RARB: variants seen among roughly 807,000 people sequenced by gnomAD.
The protein encoded by RARB is HBV-activated protein.
In RARB, 17 loss-of-function variants were observed where a neutral mutation model predicts 51.9. The ratio of observed to expected loss-of-function variants is 0.33; its 90% CI spans 0.22 to 0.49. RARB has a LOEUF of 0.49. RARB is among the 20% of genes least tolerant of loss of function. RARB has a pLI of 0.99. For synonymous variants in RARB, 215 were observed against 195.4 expected, an observed-to-expected ratio of 1.10 and a Z score of -0.84; for missense variants, 369 against 550.8, an observed-to-expected ratio of 0.67 and a Z score of 3.30.
intron 2 of RARB, among the ~76,000 whole-genome samples, chr3:25,465,348 T>C (rs1180151601): frequency 2.0e-5 from 3 of 152,200 alleles, no homozygotes; most frequent in African/African-American, 7.2e-5. Flanking sequence ...AGGCCCCTTG[T>C]TGACCGGTAG....
At chr3:25,249,748 AC>A (rs1307057402) in intron 5 of RARB, among the ~76,000 whole-genome samples, 5 of 125,848 alleles carry the variant, frequency 4.0e-5, no homozygotes, top group Non-Finnish European at 8.1e-5. Flanking sequence ...TTTCTTAGTT[AC>A]ATAGGGTATG....
chr3:25,542,327 G>C (rs1025521776), intron 3 of RARB, among the ~76,000 whole-genome samples: 4 of 152,210 alleles, frequency 2.6e-5, no homozygotes, highest in African/African-American at 9.7e-5. Flanking sequence ...TAGAATACTA[G>C]GTGCCTGCCT....
chr3:24,940,161 G>A (rs1182540268), intron 2 of RARB, among the ~76,000 whole-genome samples: 1 of 152,120 alleles, frequency 6.6e-6, no homozygotes, highest in South Asian at 2.1e-4. Flanking sequence ...AAATGGTGGC[G>A]GTGGTCTGTG....
At chr3:25,411,149 AT>A (rs1209148288) in intron 5 of RARB, among the ~76,000 whole-genome samples, 1 of 152,194 alleles carries the variant, frequency 6.6e-6, no homozygotes, top group African/African-American at 2.4e-5. Flanking sequence ...TTAATAATAT[AT>A]AGAAAAAATG....
At chr3:25,508,669 T>C (rs1300554748) in intron 3 of RARB, among the ~76,000 whole-genome samples, 1 of 152,206 alleles carries the variant, frequency 6.6e-6, no homozygotes, top group Non-Finnish European at 1.5e-5. Context: ...CTTCCAGGGT[T>C]CACTGTGATC....
intron 3 of RARB, among the ~76,000 whole-genome samples, chr3:25,501,997 C>G (rs1490679266): frequency 6.6e-6 from 1 of 152,200 alleles, no homozygotes; most frequent in Non-Finnish European, 1.5e-5. Flanking sequence ...CGCTCTTTCT[C>G]TATTTGATGT....
chr3:24,986,306 G>C (rs1000968063), intron 2 of RARB, among the ~76,000 whole-genome samples: 6 of 152,188 alleles, frequency 3.9e-5, no homozygotes, highest in African/African-American at 1.4e-4. Flanking sequence ...TATTATATGT[G>C]TATAAGTATT....
intron 3 of RARB, among the ~76,000 whole-genome samples, chr3:25,508,208 CCTT>C (rs1261121970): frequency 2.0e-5 from 3 of 152,168 alleles, no homozygotes; most frequent in Admixed American, 2.0e-4. Flanking sequence ...CTCATTGACA[CCTT>C]CTCATTTGGG....
rs1250242330 is a variant in RARB, at chr3:25,597,655, AGGCATAGAATCT to A, written c.*1041_*1052del. 6.6e-6 allele frequency: 1 copy of A among 152,542 alleles called. No individual in the cohort carries two copies. The highest frequency in any genetic ancestry group is 2.4e-5 in the African/African-American group (1 of 41,434). The allele number at this position is 152,542 out of a possible 1,614,324, so 9.4% of individuals were successfully genotyped here. On this transcript the variant is annotated 3_prime_UTR_variant, in exon 8 of 8. Transcript: ENST00000330688. ...TAATATTAACAACTCCCAAAGAAAC[AGGCATAGAATCT>A]GCCTCCTTTGACCTTGTTCAATCAC...
intron 2 of RARB, among the ~76,000 whole-genome samples, chr3:24,878,827 A>G (rs1009329379): frequency 1.3e-5 from 2 of 152,184 alleles, no homozygotes; most frequent in African/African-American, 4.8e-5. Context: ...TTGGACTAGT[A>G]AGATTGCCCG....
At chr3:25,341,048 GA>G (rs1299659433) in intron 5 of RARB, among the ~76,000 whole-genome samples, 2 of 152,150 alleles carry the variant, frequency 1.3e-5, no homozygotes, top group Non-Finnish European at 2.9e-5. Flanking sequence ...GTGTTCATTG[GA>G]AAGGACATGC....
chr3:24,900,733 A>T (rs1036563901), intron 2 of RARB, among the ~76,000 whole-genome samples: 1 of 152,208 alleles, frequency 6.6e-6, no homozygotes, highest in African/African-American at 2.4e-5. Context: ...GCACAACTTT[A>T]CTTCTTAGAT....
intron 2 of RARB, among the ~76,000 whole-genome samples, chr3:24,900,460 T>C (rs913161342): frequency 6.6e-6 from 1 of 152,232 alleles, no homozygotes; most frequent in African/African-American, 2.4e-5. Context: ...TGAGTCTTCC[T>C]TGGAAGTATG....
chr3:25,383,221 A>T (rs1706682452), intron 5 of RARB, among the ~76,000 whole-genome samples: 1 of 152,208 alleles, frequency 6.6e-6, no homozygotes, highest in Non-Finnish European at 1.5e-5. Flanking sequence ...AAAATGAGTC[A>T]TAGAGCCAAG....
At chr3:25,467,204 A>C (rs1353713577) in intron 2 of RARB, among the ~76,000 whole-genome samples, 1 of 152,258 alleles carries the variant, frequency 6.6e-6, no homozygotes, top group Admixed American at 6.5e-5. Context: ...CACACCTTGG[A>C]GAGGTTTCTG....
chr3:24,877,346 CTTTTTTT>C (rs66976672), intron 2 of RARB, among the ~76,000 whole-genome samples: 2 of 81,908 alleles, frequency 2.4e-5, no homozygotes, highest in African/African-American at 1.0e-4. Context: ...AGCAATCTTA[CTTTTTTT>C]TTTTTTTTTT....
intron 5 of RARB, among the ~76,000 whole-genome samples, chr3:25,228,694 T>A (rs1405372881): frequency 6.6e-6 from 1 of 152,112 alleles, no homozygotes; most frequent in Non-Finnish European, 1.5e-5. Context: ...GGTGGCATAT[T>A]TGATCCTTGC....
At chr3:25,128,328 T>C (rs1699893243) in intron 3 of RARB, among the ~76,000 whole-genome samples, 1 of 151,800 alleles carries the variant, frequency 6.6e-6, no homozygotes, top group Admixed American at 6.6e-5. Flanking sequence ...TAAGAATCTT[T>C]GTAAGGTTTT....
intron 3 of RARB, among the ~76,000 whole-genome samples, chr3:25,061,275 T>C (rs60628801): frequency 0.071 from 10,814 of 151,898 alleles, 628 homozygotes; most frequent in East Asian, 0.19. Context: ...AATATGTACA[T>C]ACAAATAATA....
Sources: gnomAD v4.1 joint callset for allele counts (sites outside exome capture counted in the v4.1 genomes callset) on GRCh38, gnomAD v4.1.1 for gene constraint, MANE v1.5 for transcripts, NCBI Gene and HGNC (gene_info 2026-07-23, HGNC 2026-07-21) for gene names.